The following APP variants were observed in gnomAD, a reference collection of about 807,000 sequenced individuals.
APP encodes the protein amyloid-beta precursor protein.
APP carries 31 observed loss-of-function variants against 101.4 expected under a neutral mutation model. The ratio of observed to expected loss-of-function variants is 0.31; its 90% CI spans 0.23 to 0.41. The LOEUF (loss-of-function observed/expected upper bound fraction) is 0.41, where lower values mean the gene tolerates loss of function less well. Among genes scored for constraint, APP ranks in the 10% least tolerant of loss-of-function variants. The pLI is 1.00. For synonymous variants in APP, 366 were observed against 364.4 expected (o/e 1.00, Z -0.05); for missense variants, 839 against 1,003.7 (o/e 0.84, Z 2.22).
chr21:25,909,825 G>C (rs1185629939), intron 14 of APP, among the ~76,000 whole-genome samples: 4 of 152,080 alleles, frequency 2.6e-5, no homozygotes, highest in Admixed American at 2.0e-4. Context: ...CAGTTTTCCA[G>C]GTCTTTGATA....
chr21:26,015,536 G>A (rs1028685651), intron 6 of APP, among the ~76,000 whole-genome samples: 1 of 152,090 alleles, frequency 6.6e-6, no homozygotes, highest in Non-Finnish European at 1.5e-5. Context: ...TGGGCATGAT[G>A]GTAAGCGTTT....
At chr21:26,160,854 T>C (rs1481180355) in intron 1 of APP, among the ~76,000 whole-genome samples, 4 of 152,242 alleles carry the variant, frequency 2.6e-5, no homozygotes, top group South Asian at 2.1e-4. Context: ...TTTTTTCTTT[T>C]TGCAGGCCAA....
At chr21:26,035,536 G>C (rs1049624867) in intron 5 of APP, among the ~76,000 whole-genome samples, 1 of 152,192 alleles carries the variant, frequency 6.6e-6, no homozygotes, top group Non-Finnish European at 1.5e-5. Flanking sequence ...CCAACTACGT[G>C]TTTGTTAGTT....
Position 26,058,913 on chromosome 21 carries a change from C to G in APP, c.356-5565G>C, listed in dbSNP as rs1360731270. On this transcript the variant is annotated intron_variant, in intron 3 of 17. Coordinates refer to ENST00000346798, the MANE Select transcript of APP (RefSeq NM_000484.4). ...TGGCTAACACGGTGAAACCCCGTCT[C>G]TACTAAAAATACAAAAAATTAGCCG... Among the ~76,000 whole-genome samples, 5 of 152,088 alleles carry G rather than the reference C, an allele frequency of 3.3e-5. No individual in the cohort carries two copies. The South Asian group carries it at 6.2e-4, about 19-fold the overall frequency.
intron 5 of APP, among the ~76,000 whole-genome samples, chr21:26,029,073 G>T (rs1372672197): frequency 2.0e-5 from 3 of 152,128 alleles, no homozygotes; most frequent in Admixed American, 2.0e-4. Flanking sequence ...GTGAGGAAGA[G>T]ATTAGCACGT....
At chr21:25,943,973 C>T (rs1447924290) in intron 13 of APP, among the ~76,000 whole-genome samples, 1 of 152,120 alleles carries the variant, frequency 6.6e-6, no homozygotes. Flanking sequence ...ATACAGGAAG[C>T]TGAAGACATA....
At chr21:26,076,578 A>G (rs190404706) in intron 3 of APP, among the ~76,000 whole-genome samples, 5 of 152,358 alleles carry the variant, frequency 3.3e-5, no homozygotes, top group Non-Finnish European at 7.3e-5. Flanking sequence ...TCAGCCCTAA[A>G]GTCTATCAAA....
chr21:26,169,437 G>C (rs557051743), intron 1 of APP: 1 of 152,704 alleles, frequency 6.5e-6, no homozygotes, highest in Non-Finnish European at 1.5e-5. Context: ...GCCTTAATCA[G>C]ACAAACGCCT....
intron 6 of APP, among the ~76,000 whole-genome samples, chr21:26,004,049 G>C (rs1449956232): frequency 1.3e-5 from 2 of 152,144 alleles, no homozygotes; most frequent in Non-Finnish European, 2.9e-5. Flanking sequence ...GCCTACTCTG[G>C]GAGAAGCTGG....
chr21:25,942,286 G>C (rs115520835), intron 13 of APP: 1 of 150,666 alleles, frequency 6.6e-6, no homozygotes, highest in South Asian at 2.1e-4. Context: ...GGCAACAGCA[G>C]TAAGTAAGTA....
At chr21:26,069,972 T>C (rs2046609833) in intron 3 of APP, among the ~76,000 whole-genome samples, 1 of 152,222 alleles carries the variant, frequency 6.6e-6, no homozygotes, top group Non-Finnish European at 1.5e-5. Flanking sequence ...CACCACCTTT[T>C]ACCAGGCATT....
intron 3 of APP, among the ~76,000 whole-genome samples, chr21:26,077,340 C>T (rs1369025561): frequency 6.6e-6 from 1 of 152,152 alleles, no homozygotes; most frequent in Non-Finnish European, 1.5e-5. Context: ...CTTTCCCTTC[C>T]CACCATCCTA....
chr21:26,046,605 C>G (rs185871816), intron 5 of APP, among the ~76,000 whole-genome samples: 10 of 151,938 alleles, frequency 6.6e-5, no homozygotes, highest in African/African-American at 2.4e-4. Context: ...TCTCAGCACA[C>G]GCTCACCAGT....
intron 2 of APP, among the ~76,000 whole-genome samples, chr21:26,098,080 A>AG (rs1296324795): frequency 5.9e-5 from 7 of 117,832 alleles, no homozygotes; most frequent in Non-Finnish European, 1.0e-4. Context: ...ACTCTGTCTC[A>AG]GAAAAAAAAA....
intron 2 of APP, among the ~76,000 whole-genome samples, chr21:26,105,742 A>C (rs2146183829): frequency 6.6e-6 from 1 of 152,328 alleles, no homozygotes; most frequent in East Asian, 1.9e-4. Flanking sequence ...AAAACTTCTG[A>C]GTGAACTTGT....
intron 9 of APP, among the ~76,000 whole-genome samples, chr21:25,978,449 A>C (rs920231911): frequency 6.6e-6 from 1 of 152,202 alleles, no homozygotes; most frequent in Non-Finnish European, 1.5e-5. Context: ...TTTACGAACC[A>C]GGTTAAGGTA....
chr21:25,929,770 T>A (rs988489153), intron 13 of APP, among the ~76,000 whole-genome samples: 1 of 152,232 alleles, frequency 6.6e-6, no homozygotes, highest in Non-Finnish European at 1.5e-5. Context: ...TTAGTTTTCA[T>A]GCTCTTGCAC....
At chr21:26,016,878 T>C (rs1481154791) in intron 6 of APP, among the ~76,000 whole-genome samples, 1 of 145,244 alleles carries the variant, frequency 6.9e-6, no homozygotes, top group Non-Finnish European at 1.5e-5. Context: ...CCCAGGCCAA[T>C]TAAAAAAATT....
intron 1 of APP, 68 bp from the exon 2 acceptor site, chr21:26,112,214 G>A (rs938274322): frequency 2.0e-6 from 3 of 1,516,734 alleles, no homozygotes; most frequent in Admixed American, 3.3e-5. Flanking sequence ...AGGAAGAACA[G>A]GGATAACTAT....
Sources: allele counts gnomAD v4.1 joint callset (sites outside exome capture counted in the v4.1 genomes callset), GRCh38; gene constraint gnomAD v4.1.1; transcripts MANE v1.5; gene names NCBI Gene and HGNC (gene_info 2026-07-23, HGNC 2026-07-21).